The following ARHGAP8 variants were observed in gnomAD, a reference collection of about 807,000 sequenced individuals.
ARHGAP8 encodes the protein rho GTPase-activating protein 8.
A neutral mutation model predicts 46.1 loss-of-function variants in ARHGAP8; 62 were observed. That is an observed-to-expected ratio of 1.34 (90% confidence interval 1.10 to 1.66). ARHGAP8 has a LOEUF of 1.66. Among genes scored for constraint, ARHGAP8 ranks in the 40% most tolerant of loss-of-function variants. ARHGAP8 has a pLI of 0.00. For missense variants in ARHGAP8, 923 were observed against 568.4 expected (o/e 1.62, Z -6.34); for synonymous variants, 375 against 243.1 (o/e 1.54, Z -5.05).
intron 7 of ARHGAP8, among the ~76,000 whole-genome samples, chr22:44,827,335 G>GTTT (rs1569165898): frequency 2.4e-5 from 1 of 41,732 alleles, no homozygotes; most frequent in Non-Finnish European, 4.6e-5. Flanking sequence ...TTTGGGTGGT[G>GTTT]GTTTTTTTTT....
intron 7 of ARHGAP8, among the ~76,000 whole-genome samples, chr22:44,829,344 G>A (rs1021356988): frequency 5.9e-4 from 89 of 151,940 alleles, no homozygotes; most frequent in African/African-American, 1.9e-3. Flanking sequence ...CACAGACTTC[G>A]AAAGCCGTCT....
chr22:44,845,133 A>T (rs2069921666), intron 7 of ARHGAP8, 136 bp from the exon 8 acceptor site: 3 of 1,009,318 alleles, frequency 3.0e-6, no homozygotes, highest in Admixed American at 2.6e-5. Context: ...CTGAGGGCTG[A>T]GCCTACCTCT....
At chr22:44,755,666 G>A (rs1924611925) in intron 1 of ARHGAP8, among the ~76,000 whole-genome samples, 1 of 152,212 alleles carries the variant, frequency 6.6e-6, no homozygotes, top group African/African-American at 2.4e-5. Context: ...TGTGTCCCTG[G>A]AAGGCAGAGG....
intron 1 of ARHGAP8, among the ~76,000 whole-genome samples, chr22:44,764,080 G>A (rs1427699631): frequency 1.3e-5 from 2 of 152,026 alleles, no homozygotes; most frequent in Admixed American, 1.3e-4. Context: ...CCAAAGTGCT[G>A]GGATTACAGG....
chr22:44,858,045 C>T (rs1025010719), intron 10 of ARHGAP8, among the ~76,000 whole-genome samples: 7 of 152,190 alleles, frequency 4.6e-5, no homozygotes, highest in Admixed American at 6.5e-5. Flanking sequence ...CCACCTGGCT[C>T]GGTTGAAATA....
intron 10 of ARHGAP8, chr22:44,850,385 C>CAG (rs113447818): frequency 0.29 from 43,809 of 151,884 alleles, 7,946 homozygotes; most frequent in African/African-American, 0.52. Flanking sequence ...CTGGTGGAGA[C>CAG]AGAAGGAGGC....
chr22:44,752,964 G>A (rs1212270707), intron 1 of ARHGAP8, among the ~76,000 whole-genome samples: 1 of 151,890 alleles, frequency 6.6e-6, no homozygotes, highest in Non-Finnish European at 1.5e-5. Context: ...GTTTTGGTCT[G>A]GTCTGGCCGG....
chr22:44,853,395 T>A (rs2147177672), intron 10 of ARHGAP8, among the ~76,000 whole-genome samples: 1 of 152,310 alleles, frequency 6.6e-6, no homozygotes, highest in South Asian at 2.1e-4. Flanking sequence ...GTTTTAGTTC[T>A]TTGTCATGCC....
chr22:44,859,651 C>A (rs893318006), intron 10 of ARHGAP8, 80 bp from the exon 11 acceptor site: 1 of 1,490,650 alleles, frequency 6.7e-7, no homozygotes, highest in African/African-American at 1.4e-5. Context: ...CTTCCTACAC[C>A]CCTGTTCTCC....
chr22:44,810,442 A>G (rs1471933714), intron 4 of ARHGAP8, among the ~76,000 whole-genome samples: 3 of 151,900 alleles, frequency 2.0e-5, no homozygotes, highest in Admixed American at 6.6e-5. Context: ...GGGTTTCACT[A>G]TGTTGGCCAG....
chr22:44,759,729 G>A (rs1270582791), intron 1 of ARHGAP8, among the ~76,000 whole-genome samples: 1 of 152,208 alleles, frequency 6.6e-6, no homozygotes, highest in African/African-American at 2.4e-5. Flanking sequence ...CAGGGAGATT[G>A]TCAGGGAGAT....
Position 44,856,115 on chromosome 22 carries a change from C to G in ARHGAP8, c.878-3616C>G, listed in dbSNP as rs1295460561. On this transcript the variant is annotated intron_variant, in intron 10 of 11. Transcript: ENST00000356099. ...ATGGTGCTAACCATTTATGAGAAATCTGTCCCCATGATTTAATCACCCGTC... is the reference window on the plus strand; with the variant it reads ...ATGGTGCTAACCATTTATGAGAAATGTGTCCCCATGATTTAATCACCCGTC... 3.3e-5 allele frequency among the ~76,000 whole-genome samples: 5 copies of G among 152,170 alleles called. No homozygotes were observed. The East Asian group carries it at 9.7e-4, about 29-fold the overall frequency.
At chr22:44,828,935 T>C (rs1263880996) in intron 7 of ARHGAP8, among the ~76,000 whole-genome samples, 1 of 151,820 alleles carries the variant, frequency 6.6e-6, no homozygotes, top group Admixed American at 6.6e-5. Flanking sequence ...ATCTTATTGT[T>C]TAGAGCCACT....
intron 2 of ARHGAP8, among the ~76,000 whole-genome samples, chr22:44,793,445 G>A (rs754376708): frequency 7.2e-5 from 11 of 152,288 alleles, no homozygotes; most frequent in South Asian, 2.1e-4. Context: ...AACCCATTCC[G>A]TTGCCGGCTG....
intron 4 of ARHGAP8, 46 bp from the exon 5 acceptor site, chr22:44,814,626 T>C (rs1401167235): frequency 6.3e-7 from 1 of 1,580,414 alleles, no homozygotes; most frequent in African/African-American, 1.4e-5. Flanking sequence ...GTGGGGTGTT[T>C]CTCGGAGCGC....
At chr22:44,828,357 ACCTCGGTCC>A (rs551545988) in intron 7 of ARHGAP8, among the ~76,000 whole-genome samples, 2 of 150,704 alleles carry the variant, frequency 1.3e-5, no homozygotes, top group East Asian at 3.9e-4. Context: ...ACCTGCAGTG[ACCTCGGTCC>A]CCTCCTGGGG....
intron 1 of ARHGAP8, among the ~76,000 whole-genome samples, chr22:44,757,122 C>G (rs1924745636): frequency 6.6e-6 from 1 of 152,048 alleles, no homozygotes; most frequent in Admixed American, 6.6e-5. Context: ...TGCTTTGTTG[C>G]CCAGGCTGGT....
chr22:44,809,209 C>T (rs1402081291), intron 4 of ARHGAP8: 1 of 469,580 alleles, frequency 2.1e-6, no homozygotes, highest in Non-Finnish European at 4.4e-6. Context: ...GGACTGTGTT[C>T]CAGTAAAACA....
chr22:44,800,073 GC>G (rs1928379131), intron 2 of ARHGAP8, among the ~76,000 whole-genome samples: 1 of 136,922 alleles, frequency 7.3e-6, no homozygotes, highest in East Asian at 2.0e-4. Context: ...GGTCTGCAGG[GC>G]CCTCTCCTTC....
Sources: allele counts gnomAD v4.1 joint callset (sites outside exome capture counted in the v4.1 genomes callset), GRCh38; gene constraint gnomAD v4.1.1; transcripts MANE v1.5; gene names NCBI Gene and HGNC (gene_info 2026-07-23, HGNC 2026-07-21).